RGS6: variants seen among roughly 807,000 people sequenced by gnomAD.
The protein encoded by RGS6 is regulator of G protein signaling 6, also known as regulator of G-protein signaling 6.
A neutral mutation model predicts 78.5 loss-of-function variants in RGS6; 30 were observed. That is an observed-to-expected ratio of 0.38 (90% CI 0.29 to 0.52). RGS6 has a LOEUF of 0.52. Among genes scored for constraint, RGS6 ranks in the 20% least tolerant of loss-of-function variants. The probability of loss-of-function intolerance (pLI) is 0.85; values close to 1 mark genes in which losing one functional copy is unlikely to be tolerated. For missense variants in RGS6, 495 were observed against 609.7 expected (o/e 0.81, Z 1.98); for synonymous variants, 206 against 206.0 (o/e 1.00, Z 0.00).
At chr14:72,000,673 A>T (rs1368628018) in intron 2 of RGS6, among the ~76,000 whole-genome samples, 1 of 152,156 alleles carries the variant, frequency 6.6e-6, no homozygotes, top group Non-Finnish European at 1.5e-5. Flanking sequence ...GGCAGGATGG[A>T]TGTTGTACCA....
chr14:72,097,379 A>G (rs1567197998), intron 2 of RGS6, among the ~76,000 whole-genome samples: 1 of 144,686 alleles, frequency 6.9e-6, no homozygotes, highest in Admixed American at 7.0e-5. Context: ...ACACAGGGTT[A>G]CAGGAAGCAC....
intron 2 of RGS6, among the ~76,000 whole-genome samples, chr14:72,332,632 C>T (rs1017144195): frequency 2.6e-5 from 4 of 152,116 alleles, no homozygotes; most frequent in Non-Finnish European, 5.9e-5. Context: ...GGAAAGGAGC[C>T]ATACCTTCTG....
At chr14:72,083,063 G>A (rs2094889282) in intron 2 of RGS6, among the ~76,000 whole-genome samples, 1 of 152,136 alleles carries the variant, frequency 6.6e-6, no homozygotes, top group African/African-American at 2.4e-5. Context: ...AATAAGAAAT[G>A]CCATTTGCCT....
intron 17 of RGS6, among the ~76,000 whole-genome samples, chr14:72,550,847 G>T (rs745699620): frequency 6.6e-6 from 1 of 151,954 alleles, no homozygotes; most frequent in African/African-American, 2.4e-5. Context: ...TTTTGGGGGG[G>T]TGTTTTTTTT....
chr14:72,184,415 A>ACACAC (rs1567407728), intron 2 of RGS6, among the ~76,000 whole-genome samples: 16 of 108,860 alleles, frequency 1.5e-4, no homozygotes, highest in African/African-American at 5.7e-4. Context: ...CACACACAGA[A>ACACAC]AGAGGGAGAG....
chr14:71,899,917 C>A, the RGS6 span, among the ~76,000 whole-genome samples: 1 of 152,232 alleles, frequency 6.6e-6, no homozygotes, highest in Non-Finnish European at 1.5e-5. Context: ...TTACAACCAT[C>A]TGTTCTTGTT....
intron 2 of RGS6, among the ~76,000 whole-genome samples, chr14:72,181,013 C>G (rs1207839953): frequency 6.6e-6 from 1 of 152,196 alleles, no homozygotes; most frequent in African/African-American, 2.4e-5. Flanking sequence ...TTATAACTCT[C>G]TCCTTCTATT....
At chr14:72,027,891 G>A (rs11851575) in intron 2 of RGS6, among the ~76,000 whole-genome samples, 6,604 of 152,202 alleles carry the variant, frequency 0.043, 175 homozygotes, top group African/African-American at 0.077. Flanking sequence ...TTGTGTCTTC[G>A]GTGAGATGAC....
rs146101754 is a variant in RGS6, at chr14:71,988,208, G to A, written c.84+23333G>A. ...TGATAAAGTCTAACTATCAGTGAGC[G>A]AGCAGGGGGTGAGCATTTTCTTTCT... is the stretch of plus-strand genomic sequence containing the variant. On this transcript the variant is annotated intron_variant, in intron 2 of 17. Coordinates refer to ENST00000553525, the MANE Select transcript of RGS6 (RefSeq NM_001204424.2). Among the ~76,000 whole-genome samples the A allele has an allele frequency of 5.8e-3, 878 of 152,288 alleles. 6 individuals are homozygous for A. The highest frequency in any genetic ancestry group is 0.025 in the South Asian group (119 of 4,824).
chr14:72,556,695 T>TGTG (rs2097582032), intron 17 of RGS6, among the ~76,000 whole-genome samples: 1 of 25,570 alleles, frequency 3.9e-5, no homozygotes, highest in Non-Finnish European at 8.0e-5. Context: ...GGGGGCGGGG[T>TGTG]GGGGGGTGCT....
intron 2 of RGS6, among the ~76,000 whole-genome samples, chr14:72,301,177 C>T (rs375044732): frequency 5.3e-5 from 8 of 152,082 alleles, no homozygotes; most frequent in African/African-American, 1.4e-4. Flanking sequence ...CAACATGTAC[C>T]GAGCAGGGGA....
rs564526377 is a variant in RGS6, at chr14:72,518,484, A to C, written c.1225A>C (p.Ile409Leu). ...AINLDSHSYE[I>L]TSQNVKDGGR... ...CAACCTGGATTCTCACAGCTATGAG[A>C]TAACCAGTCAAAATGTCAAAGATGG... Residue 409 changes from isoleucine to leucine, a missense_variant, in exon 15 of 18, where the codon ATA becomes CTA. By Grantham distance (5) the Ile-to-Leu change is conservative (BLOSUM62 2). Transcript: ENST00000553525. The C allele has an allele frequency of 1.9e-6, 3 of 1,614,232 alleles. No homozygotes were observed. In the South Asian group the frequency reaches 3.3e-5, roughly 18 times the overall value.
intron 13 of RGS6, among the ~76,000 whole-genome samples, chr14:72,504,111 T>C (rs1487636470): frequency 6.6e-6 from 1 of 152,226 alleles, no homozygotes; most frequent in African/African-American, 2.4e-5. Context: ...GTGGCAGCCC[T>C]GATGAACTCT....
chr14:72,573,470 G>A, the RGS6 span, among the ~76,000 whole-genome samples: 2 of 152,116 alleles, frequency 1.3e-5, no homozygotes, highest in African/African-American at 2.4e-5. Flanking sequence ...AAAGACCCCA[G>A]GAATCTACAT....
chr14:72,390,867 G>A (rs2152943591), intron 3 of RGS6, among the ~76,000 whole-genome samples: 1 of 152,236 alleles, frequency 6.6e-6, no homozygotes, highest in African/African-American at 2.4e-5. Context: ...CAGGTTTTCT[G>A]GCTTTTATTC....
chr14:72,483,455 G>C (rs2096422834), intron 12 of RGS6, among the ~76,000 whole-genome samples: 1 of 152,098 alleles, frequency 6.6e-6, no homozygotes, highest in African/African-American at 2.4e-5. Context: ...ATTGGATGCT[G>C]GTTCTTCCTC....
intron 2 of RGS6, among the ~76,000 whole-genome samples, chr14:72,309,930 C>T (rs2068139398): frequency 6.6e-6 from 1 of 152,226 alleles, no homozygotes; most frequent in Non-Finnish European, 1.5e-5. Flanking sequence ...TATTTTAAGG[C>T]ACTATCCACA....
At chr14:72,622,752 A>G in the RGS6 span, among the ~76,000 whole-genome samples, 1 of 151,852 alleles carries the variant, frequency 6.6e-6, no homozygotes, top group Non-Finnish European at 1.5e-5. Context: ...ACCAGGAATC[A>G]CCTATTACTA....
At chr14:72,592,663 G>A in the RGS6 span, among the ~76,000 whole-genome samples, 2 of 152,240 alleles carry the variant, frequency 1.3e-5, no homozygotes, top group South Asian at 2.1e-4. Flanking sequence ...TTGATGTGCT[G>A]TGGGCCTCAC....
Sources: allele counts gnomAD v4.1 joint callset (sites outside exome capture counted in the v4.1 genomes callset), GRCh38; gene constraint gnomAD v4.1.1; transcripts MANE v1.5; gene names NCBI Gene and HGNC (gene_info 2026-07-23, HGNC 2026-07-21).